Variants in VGLL3 observed in about 807,000 individuals in gnomAD.
The protein encoded by VGLL3 is vestigial like family member 3.
VGLL3 carries 18 observed loss-of-function variants against 29.2 expected under a neutral mutation model. That is an observed-to-expected ratio of 0.62 (90% CI 0.43 to 0.91). The LOEUF is 0.91. Ranked by LOEUF, VGLL3 falls within the 40% of genes least tolerant of loss-of-function variation. VGLL3 has a pLI of 0.00. For synonymous variants in VGLL3, 180 were observed against 151.8 expected (o/e 1.19, Z -1.36); for missense variants, 440 against 413.2 (o/e 1.06, Z -0.56).
At chr3:86,979,950 T>C (rs1159222059) in intron 1 of VGLL3, among the ~76,000 whole-genome samples, 1 of 152,188 alleles carries the variant, frequency 6.6e-6, no homozygotes, top group Non-Finnish European at 1.5e-5. Flanking sequence ...ATTTTCTTAT[T>C]TCTGCTTTTC....
rs192855423 is a variant in VGLL3, at chr3:86,987,206, A to T, written c.126+3412T>A. 1.8e-3 allele frequency among the ~76,000 whole-genome samples: 271 copies of T among 152,254 alleles called. 1 individual carries two copies. Among genetic ancestry groups the T allele is most frequent in the African/African-American group, 6.1e-3 (253 of 41,558 alleles). ...ACTTGTAAAAAGAAGAGTTGAAGTT[A>T]TGTTTTTCCAGGGCTTTTTTCTCTG... On this transcript the variant is annotated intron_variant, in intron 1 of 3. Coordinates refer to ENST00000398399, the MANE Select transcript of VGLL3 (RefSeq NM_016206.4).
intron 2 of VGLL3, among the ~76,000 whole-genome samples, chr3:86,976,879 G>T (rs1221559547): frequency 2.0e-5 from 3 of 152,106 alleles, no homozygotes; most frequent in Non-Finnish European, 4.4e-5. Flanking sequence ...ATCTTAATAG[G>T]ATTCATTATT....
chr3:86,949,650 C>T lies in VGLL3; in HGVS notation c.938-2583G>A, dbSNP rs528992282. 8.7e-4 allele frequency among the ~76,000 whole-genome samples: 132 copies of T among 151,732 alleles called. 2 individuals are homozygous for T. The highest frequency in any genetic ancestry group is 6.5e-3 in the Admixed American group (99 of 15,238). On this transcript the variant is annotated intron_variant, in intron 3 of 3. Transcript: ENST00000398399. ...GACCATCCTGGCTAACACGGTGAAACCCTGTCTCCACTAAAAACACAAAAA... is the reference window on the plus strand; with the variant it reads ...GACCATCCTGGCTAACACGGTGAAATCCTGTCTCCACTAAAAACACAAAAA...
At chr3:86,956,900 A>G (rs1704736127) in intron 3 of VGLL3, among the ~76,000 whole-genome samples, 1 of 152,176 alleles carries the variant, frequency 6.6e-6, no homozygotes, top group Non-Finnish European at 1.5e-5. Flanking sequence ...TCCTTCATAA[A>G]ATTAATGCTA....
Position 86,978,571 on chromosome 3 carries a change from AT to A in VGLL3, c.357del (p.Glu119AspfsTer11). On this transcript the variant is annotated frameshift_variant, in exon 2 of 4. Coordinates refer to ENST00000398399, the MANE Select transcript of VGLL3 (RefSeq NM_016206.4). LOFTEE classifies it high-confidence loss of function. ...ALGQAITLHP[E>X]SAISKSKMGL... ...CCCATCTTGCTTTTTGAAATGGCAGATTCTGGATGGAGGGTGATGGCTTGGC... is the reference window on the plus strand; with the variant it reads ...CCCATCTTGCTTTTTGAAATGGCAGATCTGGATGGAGGGTGATGGCTTGGC... 1 of 1,614,138 alleles carries A rather than the reference AT, an allele frequency of 6.2e-7. No individual in the cohort carries two copies. Among genetic ancestry groups the A allele is most frequent in the Non-Finnish European group, 8.5e-7 (1 of 1,179,994 alleles).
intron 1 of VGLL3, among the ~76,000 whole-genome samples, chr3:86,986,872 C>A (rs1444741255): frequency 6.6e-6 from 1 of 152,062 alleles, no homozygotes; most frequent in South Asian, 2.1e-4. Context: ...TGCTTGCTAA[C>A]GGCCTTTGGA....
chr3:86,966,773 G>GTATATATATATACA (rs1704970885), intron 3 of VGLL3, among the ~76,000 whole-genome samples: 1 of 37,986 alleles, frequency 2.6e-5, no homozygotes, highest in African/African-American at 9.1e-5. Context: ...GTGTGTGTGT[G>GTATATATATATACA]TATATATATA....
Position 86,990,940 on chromosome 3 carries a change from C to T in VGLL3, c.-197G>A. 9.2e-7 allele frequency: 1 copy of T among 1,081,448 alleles called. No individual in the cohort carries two copies. Among genetic ancestry groups the T allele is most frequent in the Non-Finnish European group, 1.1e-6 (1 of 891,402 alleles). The allele number at this position is 1,081,448 out of a possible 1,614,324, so 67.0% of individuals were successfully genotyped here. A position where few individuals can be genotyped will look rare whatever the true frequency, so the allele number is the denominator to read the frequency against. ...GAGGGACTGGCAATCAGCGGGGGCC[C>T]ATGCGCGGGCACCTTCATCTTCAGC... On this transcript the variant is annotated 5_prime_UTR_variant, in exon 1 of 4. An upstream start codon of the reference 5' UTR is lost. Coordinates refer to ENST00000398399, the MANE Select transcript of VGLL3 (RefSeq NM_016206.4).
In VGLL3 at chr3:86,969,036, C is replaced by T. The variant is rs1223703918; in HGVS notation, c.491G>A (p.Gly164Glu). 6.2e-7 allele frequency: 1 copy of T among 1,613,828 alleles called. No individual in the cohort carries two copies. Among genetic ancestry groups the T allele is most frequent in the African/African-American group, 1.3e-5 (1 of 74,848 alleles). Residue 164 changes from glycine (G) to glutamate (E), a missense_variant, in exon 3 of 4, where the codon GGG (glycine) becomes GAG (glutamate). By Grantham distance (98) the Gly-to-Glu change is moderately conservative. Transcript: ENST00000398399. ...GACCTGGAAGTCAGGATGAACTCCC[C>T]CCAAACAAGGTGCAGGTGGGGGCTG... ...SYQPPPAPCL[G>E]GVHPDFQVTG... is the part of the protein sequence containing the mutation.
chr3:86,990,695 G>T lies in VGLL3; in HGVS notation c.49C>A (p.Gln17Lys). 7.0e-7 allele frequency: 1 copy of T among 1,432,144 alleles called. No individual in the cohort carries two copies. Among genetic ancestry groups the T allele is most frequent in the South Asian group, 1.8e-5 (1 of 57,084 alleles). 88.7% of individuals were successfully genotyped at this position (1,432,144 alleles called of 1,614,324 possible). Residue 17 changes from glutamine to lysine, a missense_variant, in exon 1 of 4, where the codon CAG becomes AAG. Transcript: ENST00000398399. ...GCTGCCATGGGGTTGGGCAGATACT[G>T]GGACGCTCCATAAGGCTGGGGGTGA... ...MYHPQPYGAS[Q>K]YLPNPMAATT... is the part of the protein sequence containing the mutation.
At chr3:86,961,862 A>G (rs1311000156) in intron 3 of VGLL3, 2 of 884,178 alleles carry the variant, frequency 2.3e-6, no homozygotes, top group Non-Finnish European at 2.7e-6. Flanking sequence ...CCCTCAAAAA[A>G]TGTGTTCATC....
intron 1 of VGLL3, among the ~76,000 whole-genome samples, chr3:86,982,954 C>T (rs1358901538): frequency 1.3e-5 from 2 of 152,124 alleles, no homozygotes; most frequent in Non-Finnish European, 2.9e-5. Context: ...GTGGAGAGTT[C>T]GCTTGGGCAG....
chr3:86,990,226 C>T (rs1367349374), intron 1 of VGLL3: 2 of 868,378 alleles, frequency 2.3e-6, no homozygotes, highest in African/African-American at 1.8e-5. Context: ...CTTCATCTTC[C>T]TCATCAATAA....
In VGLL3 at chr3:86,977,928, G is replaced by A. The variant is rs867155856; in HGVS notation, c.403+598C>T. On this transcript the variant is annotated intron_variant, in intron 2 of 3. Transcript: ENST00000398399. The stretch of plus-strand genomic sequence containing the variant: ...GTTTCAAACACATCTCTGTGAGCTC[G>A]ATACAGAGAGAAATAAAGGAGTCCA... Among the ~76,000 whole-genome samples the A allele has an allele frequency of 4.6e-5, 7 of 152,178 alleles. No individual in the cohort carries two copies. In the South Asian group the frequency reaches 6.2e-4, roughly 13 times the overall value.
intron 2 of VGLL3, among the ~76,000 whole-genome samples, chr3:86,976,308 C>G (rs1705210458): frequency 6.6e-6 from 1 of 152,150 alleles, no homozygotes; most frequent in East Asian, 1.9e-4. Flanking sequence ...TTTCCTTCAG[C>G]TATCTGCTCA....
chr3:86,968,768 A>G lies in VGLL3; in HGVS notation c.759T>C (p.Ser253=), dbSNP rs752797045. The change falls in exon 3 of 4, where the codon TCT becomes TCC. Residue 253 remains serine, a synonymous_variant. Coordinates refer to ENST00000398399, the MANE Select transcript of VGLL3 (RefSeq NM_016206.4). ...HHHHHHPPAG[S]ALDPSYGPLL... ...GAGGCCCATAGGATGGATCCAGGGC[A>G]GAGCCAGCAGGAGGGTGGTGATGGT... 1.2e-6 allele frequency: 2 copies of G among 1,614,058 alleles called. No homozygotes were observed. The highest frequency in any genetic ancestry group is 3.3e-5 in the Admixed American group (2 of 59,998).
chr3:86,942,566 C>T lies in VGLL3; in HGVS notation c.*4458G>A, dbSNP rs548805301. On this transcript the variant is annotated 3_prime_UTR_variant, in exon 4 of 4. Coordinates refer to ENST00000398399, the MANE Select transcript of VGLL3 (RefSeq NM_016206.4). ...AAAAGAAATGTTCTTATCCTAGGTGCCAAGGAAGTTTGATATATAACTAAA... is the reference window on the plus strand; with the variant it reads ...AAAAGAAATGTTCTTATCCTAGGTGTCAAGGAAGTTTGATATATAACTAAA... 6 of 152,108 alleles carry T rather than the reference C, an allele frequency of 3.9e-5. No homozygotes were observed. The East Asian group carries it at 1.2e-3, about 29-fold the overall frequency. 9.4% of individuals were successfully genotyped at this position (152,108 alleles called of 1,614,324 possible).
chr3:86,974,841 C>CCAATAGTACTTAGATAATT (rs1705175892), intron 2 of VGLL3, among the ~76,000 whole-genome samples: 2 of 152,082 alleles, frequency 1.3e-5, no homozygotes, highest in Non-Finnish European at 2.9e-5. Context: ...CCTTTAGTAT[C>CCAATAGTACTTAGATAATT]TACTATTATC....
At chr3:86,951,034 A>G (rs1196134331) in intron 3 of VGLL3, among the ~76,000 whole-genome samples, 3 of 152,152 alleles carry the variant, frequency 2.0e-5, no homozygotes, top group African/African-American at 7.2e-5. Context: ...CCACCAAAAG[A>G]AAAGGAAAAA....
Sources: allele counts gnomAD v4.1 joint callset (sites outside exome capture counted in the v4.1 genomes callset), GRCh38; gene constraint gnomAD v4.1.1; transcripts MANE v1.5; gene names NCBI Gene and HGNC (gene_info 2026-07-23, HGNC 2026-07-21).